SEC24B: variants seen among roughly 807,000 people sequenced by gnomAD.
SEC24B encodes SEC24 homolog B, COPII component, also known as protein transport protein Sec24B.
Under a neutral mutation model 142.8 loss-of-function variants are expected in SEC24B, and 45 were observed. The observed-to-expected ratio is 0.32, with a 90% confidence interval of 0.25 to 0.40. SEC24B has a LOEUF of 0.40. SEC24B is among the 10% of genes least tolerant of loss of function. SEC24B has a pLI of 1.00. For synonymous variants in SEC24B, 574 were observed against 568.2 expected (o/e 1.01, Z -0.15); for missense variants, 1,409 against 1,526.8 (o/e 0.92, Z 1.29).
chr4:109,469,125 C>A (rs368606678), intron 2 of SEC24B, among the ~76,000 whole-genome samples: 14 of 150,654 alleles, frequency 9.3e-5, no homozygotes, highest in Admixed American at 6.6e-4. Context: ...CCATAATTAT[C>A]AAAAAAAAAG....
intron 8 of SEC24B, among the ~76,000 whole-genome samples, chr4:109,511,588 G>A (rs1425498357): frequency 6.6e-6 from 1 of 152,164 alleles, no homozygotes; most frequent in Non-Finnish European, 1.5e-5. Context: ...AGTTGCTGTG[G>A]CAGTCTAATG....
intron 7 of SEC24B, among the ~76,000 whole-genome samples, chr4:109,507,770 C>G (rs940649127): frequency 6.6e-6 from 1 of 152,088 alleles, no homozygotes; most frequent in Non-Finnish European, 1.5e-5. Context: ...TTTAGCCTCC[C>G]GAGTACCTGG....
chr4:109,478,901 C>T (rs753628402), intron 3 of SEC24B, among the ~76,000 whole-genome samples: 1 of 152,058 alleles, frequency 6.6e-6, no homozygotes, highest in Admixed American at 6.6e-5. Flanking sequence ...TTGTGGGGAC[C>T]CTTGAAAAGT....
chr4:109,503,116 G>A (rs1268188584), intron 6 of SEC24B, among the ~76,000 whole-genome samples: 3 of 149,408 alleles, frequency 2.0e-5, no homozygotes, highest in Non-Finnish European at 3.0e-5. Flanking sequence ...CTGAACTGCA[G>A]TGGTGCGATC....
intron 1 of SEC24B, among the ~76,000 whole-genome samples, chr4:109,456,367 CT>C (rs1291093157): frequency 3.9e-5 from 4 of 103,848 alleles, no homozygotes; most frequent in Admixed American, 2.1e-4. Flanking sequence ...CCTTTCCAGT[CT>C]ATCTACTATT....
At chr4:109,467,325 C>CAAA (rs70949083) in intron 2 of SEC24B, among the ~76,000 whole-genome samples, 12 of 59,772 alleles carry the variant, frequency 2.0e-4, no homozygotes, top group Admixed American at 3.5e-4. Flanking sequence ...GACTCCGTCT[C>CAAA]AAAAAAAAAA....
chr4:109,522,426 T>A (rs1258106648), intron 14 of SEC24B, among the ~76,000 whole-genome samples: 1 of 152,222 alleles, frequency 6.6e-6, no homozygotes, highest in African/African-American at 2.4e-5. Context: ...GTCATAGAAA[T>A]TTAGAAATCA....
At chr4:109,453,191 G>A (rs567050793) in intron 1 of SEC24B, among the ~76,000 whole-genome samples, 146 of 152,206 alleles carry the variant, frequency 9.6e-4, no homozygotes, top group Non-Finnish European at 1.8e-3. Context: ...CAAGGCAGAA[G>A]ATCAGGGTGA....
chr4:109,524,786 G>A, intron 14 of SEC24B, 32 bp from the exon 15 acceptor site: 1 of 1,582,820 alleles, frequency 6.3e-7, no homozygotes, highest in African/African-American at 1.4e-5. Flanking sequence ...CATAAAGATT[G>A]CTAGCTCTTA....
At chr4:109,456,329 T>G (rs1391926188) in intron 1 of SEC24B, among the ~76,000 whole-genome samples, 1 of 141,748 alleles carries the variant, frequency 7.1e-6, no homozygotes, top group East Asian at 2.1e-4. Context: ...AGACAGGTTT[T>G]TTTTGTTTTT....
intron 1 of SEC24B, among the ~76,000 whole-genome samples, chr4:109,441,897 T>C (rs989352165): frequency 6.6e-6 from 1 of 152,232 alleles, no homozygotes; most frequent in African/African-American, 2.4e-5. Flanking sequence ...TCCTCAGGTA[T>C]ATTTGCAGTT....
At chr4:109,514,056 A>G (rs1052477856) in intron 10 of SEC24B, among the ~76,000 whole-genome samples, 200 bp downstream of exon 10, 3 of 152,232 alleles carry the variant, frequency 2.0e-5, no homozygotes, top group African/African-American at 7.2e-5. Context: ...CTTTCTATGA[A>G]TAAGAAATGT....
At chr4:109,482,936 CTATATATATATATATATA>C (rs775978447) in intron 4 of SEC24B, among the ~76,000 whole-genome samples, 49 of 34,596 alleles carry the variant, frequency 1.4e-3, no homozygotes, top group South Asian at 2.8e-3. Context: ...CAGGCTTGTA[CTATATATATATATATATA>C]TATATATATA....
At chr4:109,520,641 G>A (rs571121578) in intron 12 of SEC24B, among the ~76,000 whole-genome samples, 157 bp downstream of exon 12, 44 of 152,256 alleles carry the variant, frequency 2.9e-4, no homozygotes, top group African/African-American at 1.1e-3. Context: ...TTGATTCTAA[G>A]TTATGCCTAT....
intron 17 of SEC24B, among the ~76,000 whole-genome samples, 193 bp from the exon 18 acceptor site, chr4:109,527,129 G>C (rs1181358977): frequency 1.3e-5 from 2 of 150,632 alleles, no homozygotes; most frequent in East Asian, 3.9e-4. Context: ...TGAGGCAGGA[G>C]AATCACTTGA....
chr4:109,468,833 T>A (rs1732222907), intron 2 of SEC24B, among the ~76,000 whole-genome samples: 1 of 152,228 alleles, frequency 6.6e-6, no homozygotes, highest in Non-Finnish European at 1.5e-5. Flanking sequence ...TACTAATCGC[T>A]CCTAGTTTCT....
At position 109,510,117 on chromosome 4, in the gene SEC24B, G is replaced by A; in HGVS notation, c.1776+6G>A. ...ATCCCTTCAGAGACCTAACGGTAAA[G>A]TAACATTTTATAATATTTATGGGTA... On this transcript the variant is annotated splice_donor_region_variant and intron_variant, in intron 8 of 23. Transcript: ENST00000265175. The A allele has an allele frequency of 2.0e-6, 3 of 1,523,186 alleles. No homozygotes were observed. The highest frequency in any genetic ancestry group is 2.7e-6 in the Non-Finnish European group (3 of 1,110,228). The allele number at this position is 1,523,186 out of a possible 1,614,324, so 94.4% of individuals were successfully genotyped here. A position where few individuals can be genotyped will look rare whatever the true frequency, so the allele number is the denominator to read the frequency against.
intron 2 of SEC24B, among the ~76,000 whole-genome samples, chr4:109,466,683 T>A (rs1158155902): frequency 6.6e-6 from 1 of 152,220 alleles, no homozygotes; most frequent in East Asian, 1.9e-4. Flanking sequence ...GTGCTGGGAT[T>A]ACAGGCGTGA....
intron 14 of SEC24B, among the ~76,000 whole-genome samples, chr4:109,524,308 A>T (rs1387391710): frequency 1.3e-5 from 2 of 151,996 alleles, no homozygotes; most frequent in African/African-American, 4.8e-5. Flanking sequence ...ACTTTTTTTT[A>T]GGAAATGTTG....
Sources: gnomAD v4.1 joint callset for allele counts (sites outside exome capture counted in the v4.1 genomes callset) on GRCh38, gnomAD v4.1.1 for gene constraint, MANE v1.5 for transcripts, NCBI Gene and HGNC (gene_info 2026-07-23, HGNC 2026-07-21) for gene names.